ZNF44: variants seen among roughly 807,000 people sequenced by gnomAD.
ZNF44 encodes the protein gonadotropin inducible transcription repressor-2.
In ZNF44, 9 loss-of-function variants were observed where a neutral mutation model predicts 11.7. That is an observed-to-expected ratio of 0.77 (90% confidence interval 0.46 to 1.35). The LOEUF (loss-of-function observed/expected upper bound fraction) is 1.35. Ranked by LOEUF, ZNF44 falls within the 40% of genes most tolerant of loss-of-function variation. ZNF44 has a pLI of 0.00. For missense variants in ZNF44, 696 were observed against 743.1 expected, an observed-to-expected ratio of 0.94 and a Z score of 0.74; for synonymous variants, 224 against 242.7, an observed-to-expected ratio of 0.92 and a Z score of 0.72.
Position 12,294,836 on chromosome 19 carries a change from T to C in ZNF44, c.-142A>G, listed in dbSNP as rs1019333618. 2 of 948,634 alleles carry C rather than the reference T, an allele frequency of 2.1e-6. No individual in the cohort carries two copies. Among genetic ancestry groups the C allele is most frequent in the African/African-American group, 1.8e-5 (1 of 56,416 alleles). 58.8% of individuals were successfully genotyped at this position (948,634 alleles called of 1,614,324 possible). ...GAGGTCACCAGGGTGAAGAGGCCAC[T>C]AGCTCCTGGAACGTCACACCCTCCT... On this transcript the variant is annotated 5_prime_UTR_variant, in exon 1 of 4. Transcript: ENST00000355684.
intron 1 of ZNF44, among the ~76,000 whole-genome samples, chr19:12,277,899 A>T (rs1967301056): frequency 6.6e-6 from 1 of 152,238 alleles, no homozygotes; most frequent in African/African-American, 2.4e-5. Flanking sequence ...GAACTACTTT[A>T]AAATGTTGTA....
intron 2 of ZNF44, among the ~76,000 whole-genome samples, chr19:12,275,568 C>T (rs770077436): frequency 3.3e-5 from 5 of 152,066 alleles, no homozygotes; most frequent in Non-Finnish European, 7.4e-5. Flanking sequence ...ATGGTGTGAA[C>T]CCGGGAGGCG....
At chr19:12,232,389 G>A (rs1226908124) in intron 2 of ZNF44, among the ~76,000 whole-genome samples, 1 of 152,036 alleles carries the variant, frequency 6.6e-6, no homozygotes. Context: ...TCGGGCTGGG[G>A]GACAGTCAGG....
chr19:12,247,886 C>A, exon 8 of ZNF44: 1 of 1,322,178 alleles, frequency 7.6e-7, no homozygotes. Context: ...TGTGATTCCT[C>A]TCATGTTTTT....
chr19:12,233,566 A>C (rs1916249852), intron 2 of ZNF44, among the ~76,000 whole-genome samples: 3 of 151,884 alleles, frequency 2.0e-5, no homozygotes, highest in Non-Finnish European at 2.9e-5. Flanking sequence ...AAAAAAAAAA[A>C]AAAAAACCTG....
chr19:12,238,900 G>A (rs1314354397), upstream of ZNF44, among the ~76,000 whole-genome samples: 1 of 152,192 alleles, frequency 6.6e-6, no homozygotes, highest in East Asian at 1.9e-4. Context: ...AACCTTAAGA[G>A]CCAGGTTCTG....
chr19:12,289,643 C>CTTTT (rs34329118), intron 1 of ZNF44, among the ~76,000 whole-genome samples: 8 of 117,892 alleles, frequency 6.8e-5, no homozygotes, highest in Non-Finnish European at 8.6e-5. Context: ...TAAACTCATT[C>CTTTT]TTTTTTTTTT....
At position 12,283,790 on chromosome 19, in the gene ZNF44, G is replaced by T. The variant is rs531231119; in HGVS notation, c.4-7708C>A. On this transcript the variant is annotated intron_variant, in intron 1 of 3. Transcript: ENST00000355684. The stretch of plus-strand genomic sequence containing the variant: ...AGTACTGTGGGAGGCCAAGGCAAGA[G>T]GAACTCTTGAGGCCAGGAATTTGAA... Among the ~76,000 whole-genome samples the T allele has an allele frequency of 5.3e-5, 8 of 152,290 alleles. No homozygotes were observed. The South Asian group carries it at 1.7e-3, about 32-fold the overall frequency.
rs1166248875 is a variant in ZNF44, at chr19:12,276,002, G to C, written c.84C>G (p.Leu28=). The change falls in exon 2 of 4, where the codon CTC becomes CTG. Residue 28 remains leucine, a synonymous_variant. Coordinates refer to ENST00000355684, the MANE Select transcript of ZNF44 (RefSeq NM_016264.4). The stretch of plus-strand genomic sequence containing the variant: ...TGGTTTCTCGCATCACATCTCTGTA[G>C]AGATTCTTCTGTGATGGACCCAGCA... ...WALLGPSQKN[L]YRDVMRETIR... is the part of the protein sequence containing the mutation. The C allele has an allele frequency of 6.2e-7, 1 of 1,609,570 alleles. No homozygotes were observed. Among genetic ancestry groups the C allele is most frequent in the South Asian group, 1.1e-5 (1 of 91,040 alleles).
At chr19:12,245,166 T>C (rs1181201217), downstream of ZNF44, among the ~76,000 whole-genome samples, 1 of 152,208 alleles carries the variant, frequency 6.6e-6, no homozygotes, top group Non-Finnish European at 1.5e-5. Flanking sequence ...AAAAAAGTAC[T>C]TGGACTTATA....
chr19:12,258,147 G>A, intron 5 of ZNF44, among the ~76,000 whole-genome samples: 1 of 109,630 alleles, frequency 9.1e-6, no homozygotes. Context: ...AACATAGTGA[G>A]ATCTCATCTC....
intron 5 of ZNF44, among the ~76,000 whole-genome samples, chr19:12,258,060 A>G (rs1352357008): frequency 3.4e-5 from 5 of 148,814 alleles, no homozygotes; most frequent in Admixed American, 2.1e-4. Flanking sequence ...GCAGTGGCTC[A>G]TGTCCGTAAT....
At chr19:12,288,796 A>G (rs1967877183) in intron 1 of ZNF44, among the ~76,000 whole-genome samples, 1 of 135,366 alleles carries the variant, frequency 7.4e-6, no homozygotes, top group Non-Finnish European at 1.5e-5. Context: ...ATATATATAT[A>G]TATATATATG....
intron 1 of ZNF44, among the ~76,000 whole-genome samples, chr19:12,286,294 T>C (rs1389399476): frequency 1.3e-5 from 2 of 152,160 alleles, no homozygotes; most frequent in Admixed American, 6.5e-5. Context: ...GTTGCTCTGA[T>C]GAACTAGTTC....
intron 3 of ZNF44, among the ~76,000 whole-genome samples, chr19:12,226,746 TAGCAATATTTTA>T (rs1265440876): frequency 1.3e-5 from 2 of 152,132 alleles, no homozygotes; most frequent in Admixed American, 6.6e-5. Context: ...AACAAAGAAT[TAGCAATATTTTA>T]AGCAATACGT....
chr19:12,282,421 CTT>C (rs59865823), intron 1 of ZNF44, among the ~76,000 whole-genome samples: 14 of 126,172 alleles, frequency 1.1e-4, no homozygotes, highest in East Asian at 2.2e-4. Flanking sequence ...GAGAAGTCTT[CTT>C]TTTTTTTTTT....
chr19:12,287,366 C>T (rs532450596), intron 1 of ZNF44, among the ~76,000 whole-genome samples: 4 of 152,230 alleles, frequency 2.6e-5, no homozygotes, highest in Middle Eastern at 3.4e-3. Flanking sequence ...AGGCATGTGC[C>T]ACCACGCCTG....
At chr19:12,235,338 C>T (rs539845242) in intron 1 of ZNF44, among the ~76,000 whole-genome samples, 11 of 152,082 alleles carry the variant, frequency 7.2e-5, no homozygotes, top group Non-Finnish European at 1.0e-4. Flanking sequence ...CACTGCAGTC[C>T]GACCTGGGCG....
chr19:12,271,701 T>C (rs556453965), downstream of ZNF44: 10 of 152,334 alleles, frequency 6.6e-5, no homozygotes, highest in African/African-American at 2.4e-4. Flanking sequence ...TGTAACATTA[T>C]AGGTGATATA....
Sources: gnomAD v4.1 joint callset for allele counts (sites outside exome capture counted in the v4.1 genomes callset) on GRCh38, gnomAD v4.1.1 for gene constraint, MANE v1.5 for transcripts, NCBI Gene and HGNC (gene_info 2026-07-23, HGNC 2026-07-21) for gene names.